EIPR1: variants seen among roughly 807,000 people sequenced by gnomAD.
The protein encoded by EIPR1 is EARP and GARP complex-interacting protein 1.
A neutral mutation model predicts 48.1 loss-of-function variants in EIPR1; 25 were observed. That is an observed-to-expected ratio of 0.52 (90% CI 0.38 to 0.73). The LOEUF is 0.73. Ranked by LOEUF, EIPR1 falls within the 30% of genes least tolerant of loss-of-function variation. EIPR1 has a pLI of 0.00. For missense variants in EIPR1, 415 were observed against 506.2 expected, an observed-to-expected ratio of 0.82 and a Z score of 1.73; for synonymous variants, 204 against 201.9, an observed-to-expected ratio of 1.01 and a Z score of -0.09.
chr2:3,233,962 G>A (rs1014436542), intron 4 of EIPR1, among the ~76,000 whole-genome samples: 9 of 152,202 alleles, frequency 5.9e-5, no homozygotes, highest in African/African-American at 2.2e-4. Flanking sequence ...TGTGGGCCAG[G>A]TCAGGCTTCT....
chr2:3,286,230 T>C lies in EIPR1; in HGVS notation c.260-28775A>G, dbSNP rs1558273906. On this transcript the variant is annotated intron_variant, in intron 3 of 8. Coordinates refer to ENST00000382125, the MANE Select transcript of EIPR1 (RefSeq NM_003310.5). The surrounding 1 kb of genome is among the most constrained non-coding windows in gnomAD (Gnocchi z 4.2). Reference sequence around the variant, plus strand: ...GCACAAAAGGTTGTTTTTATGCTAATAAAAAAAAATAGGTTGGCCTCATTT... The same window carrying C: ...GCACAAAAGGTTGTTTTTATGCTAACAAAAAAAAATAGGTTGGCCTCATTT... Among the ~76,000 whole-genome samples the C allele has an allele frequency of 2.0e-5, 3 of 151,414 alleles. No homozygotes were observed. Among genetic ancestry groups the C allele is most frequent in the Non-Finnish European group, 4.4e-5 (3 of 67,810 alleles).
At chr2:3,334,008 C>T (rs1421814280) in intron 3 of EIPR1, among the ~76,000 whole-genome samples, 2 of 152,020 alleles carry the variant, frequency 1.3e-5, no homozygotes, top group Non-Finnish European at 1.5e-5. Context: ...CACCGTTCAC[C>T]AAAATATCAC....
intron 3 of EIPR1, among the ~76,000 whole-genome samples, chr2:3,333,574 T>C (rs539893532): frequency 2.0e-5 from 3 of 152,068 alleles, no homozygotes; most frequent in East Asian, 3.9e-4. Flanking sequence ...TCATCTCTAC[T>C]AGAAATTTTT....
chr2:3,257,170 G>A (rs751999918), intron 4 of EIPR1, 129 bp downstream of exon 4: 36 of 1,088,814 alleles, frequency 3.3e-5, no homozygotes, highest in East Asian at 8.4e-5. Flanking sequence ...TCAAATTCTC[G>A]CAGCTTTTTA....
intron 5 of EIPR1, among the ~76,000 whole-genome samples, chr2:3,202,987 G>A (rs1422690216): frequency 6.6e-6 from 1 of 152,226 alleles, no homozygotes; most frequent in Non-Finnish European, 1.5e-5. Flanking sequence ...CTCGGTGTCT[G>A]GCTGCCGAGG....
intron 3 of EIPR1, chr2:3,282,385 A>C (rs1023422689): frequency 1.3e-5 from 2 of 152,186 alleles, no homozygotes; most frequent in African/African-American, 4.8e-5. Context: ...AAAACAAAAA[A>C]CACAGCCCCA....
intron 3 of EIPR1, among the ~76,000 whole-genome samples, chr2:3,280,791 G>T: frequency 6.6e-6 from 1 of 152,224 alleles, no homozygotes; most frequent in Non-Finnish European, 1.5e-5. Context: ...GCCTTCCAGC[G>T]CACTCAAGGA....
At chr2:3,198,576 A>G (rs990915256) in intron 5 of EIPR1, among the ~76,000 whole-genome samples, 2 of 152,164 alleles carry the variant, frequency 1.3e-5, no homozygotes, top group East Asian at 3.9e-4. Context: ...GTTCTTTTCT[A>G]TTTTCCCTGT....
chr2:3,199,656 G>A (rs776098549), intron 5 of EIPR1, among the ~76,000 whole-genome samples: 15 of 152,174 alleles, frequency 9.9e-5, no homozygotes, highest in Non-Finnish European at 1.9e-4. Context: ...GCTATGGGGG[G>A]CGTGTCCACA....
chr2:3,214,424 T>C (rs1665559947), intron 4 of EIPR1, 176 bp from the exon 5 acceptor site: 1 of 551,222 alleles, frequency 1.8e-6, no homozygotes, highest in Non-Finnish European at 3.2e-6. Context: ...GTTGTCTCAC[T>C]GTTATGGACT....
intron 2 of EIPR1, among the ~76,000 whole-genome samples, chr2:3,353,054 A>C (rs1670626311): frequency 6.6e-6 from 1 of 152,246 alleles, no homozygotes. Flanking sequence ...TCTGACAGAC[A>C]GAGACCATAT....
At chr2:3,267,958 C>T (rs1422116209) in intron 3 of EIPR1, among the ~76,000 whole-genome samples, 1 of 152,250 alleles carries the variant, frequency 6.6e-6, no homozygotes, top group African/African-American at 2.4e-5. Flanking sequence ...GTGTAGCGCA[C>T]AGACTGTTTG....
intron 3 of EIPR1, among the ~76,000 whole-genome samples, chr2:3,307,178 T>TC (rs1194940212): frequency 6.6e-6 from 1 of 152,036 alleles, no homozygotes; most frequent in Non-Finnish European, 1.5e-5. Flanking sequence ...GACAGGCTGG[T>TC]CTCAAACTCC....
At chr2:3,222,815 CAT>C (rs1325858002) in intron 4 of EIPR1, among the ~76,000 whole-genome samples, 2 of 152,124 alleles carry the variant, frequency 1.3e-5, no homozygotes, top group Non-Finnish European at 2.9e-5. Flanking sequence ...ATCGAGATAT[CAT>C]CTTGCTAGGA....
chr2:3,223,466 A>T (rs554278115), intron 4 of EIPR1, among the ~76,000 whole-genome samples: 170 of 152,348 alleles, frequency 1.1e-3, no homozygotes, highest in African/African-American at 4.0e-3. Context: ...CTGACGAAGG[A>T]GGAGGGAAGA....
chr2:3,340,812 G>A (rs1285519966), intron 2 of EIPR1, among the ~76,000 whole-genome samples: 1 of 152,056 alleles, frequency 6.6e-6, no homozygotes, highest in East Asian at 1.9e-4. Flanking sequence ...AATAGAATGG[G>A]TAGGCCAGGC....
chr2:3,246,882 AGGG>A (rs1666827249), intron 4 of EIPR1, among the ~76,000 whole-genome samples: 1 of 55,742 alleles, frequency 1.8e-5, no homozygotes, highest in Non-Finnish European at 3.5e-5. Context: ...GGAGGGAGGG[AGGG>A]AGGGAGGGAG....
rs1174081092 is a variant in EIPR1, at chr2:3,197,017, G to A, written c.517C>T (p.Leu173=). The change falls in exon 6 of 9, where the codon CTG becomes TTG. Residue 173 remains leucine, a splice_region_variant and synonymous_variant. Transcript: ENST00000382125. The part of the protein sequence containing the change: ...DLQESSSQAV[L]ASSASLEGKG... Reference sequence around the variant, plus strand: ...CCTTCCAGGGACGCTGAGCTGGCCAGCTGGGAGTGTCACGATGTTTTCCAA... The same window carrying A: ...CCTTCCAGGGACGCTGAGCTGGCCAACTGGGAGTGTCACGATGTTTTCCAA... 8.7e-6 allele frequency: 14 copies of A among 1,613,538 alleles called. No homozygotes were observed. The highest frequency in any genetic ancestry group is 1.2e-5 in the Non-Finnish European group (14 of 1,179,942).
chr2:3,324,086 T>C (rs756112985), intron 3 of EIPR1, among the ~76,000 whole-genome samples: 5 of 152,214 alleles, frequency 3.3e-5, no homozygotes, highest in African/African-American at 4.8e-5. Context: ...CGGCCTTCTC[T>C]GAATCCCAAC....
Sources: allele counts gnomAD v4.1 joint callset (sites outside exome capture counted in the v4.1 genomes callset), GRCh38; gene constraint gnomAD v4.1.1; non-coding constraint Gnocchi (gnomAD v3.1); transcripts MANE v1.5; gene names NCBI Gene and HGNC (gene_info 2026-07-23, HGNC 2026-07-21).